The following ME1 variants were observed in gnomAD, a reference collection of about 807,000 sequenced individuals.
ME1 encodes malic enzyme 1.
A neutral mutation model predicts 66.4 loss-of-function variants in ME1; 74 were observed. The ratio of observed to expected loss-of-function variants is 1.11; its 90% CI spans 0.92 to 1.35. The LOEUF is 1.35. Ranked by LOEUF, ME1 falls within the 40% of genes most tolerant of loss-of-function variation. ME1 has a pLI of 0.00. For missense variants in ME1, 750 were observed against 694.1 expected (o/e 1.08, Z -0.90); for synonymous variants, 251 against 235.6 (o/e 1.07, Z -0.60).
intron 6 of ME1, among the ~76,000 whole-genome samples, chr6:83,261,319 G>A (rs1255037580): frequency 6.6e-6 from 1 of 150,646 alleles, no homozygotes; most frequent in East Asian, 2.0e-4. Flanking sequence ...TTTTCTTGTA[G>A]ATTTAAGTTC....
intron 6 of ME1, among the ~76,000 whole-genome samples, chr6:83,296,403 A>T (rs916175419): frequency 6.6e-6 from 1 of 152,246 alleles, no homozygotes; most frequent in African/African-American, 2.4e-5. Context: ...ACATAAACAG[A>T]ACTAAAGATA....
chr6:83,416,704 C>T (rs1458862898), intron 1 of ME1, among the ~76,000 whole-genome samples: 1 of 151,846 alleles, frequency 6.6e-6, no homozygotes, highest in African/African-American at 2.4e-5. Flanking sequence ...GCCTGGGCAA[C>T]ATAGTGAGAT....
chr6:83,305,568 C>A (rs987889131), intron 6 of ME1, among the ~76,000 whole-genome samples: 11 of 135,948 alleles, frequency 8.1e-5, no homozygotes, highest in East Asian at 4.5e-4. Context: ...AAGGAACATG[C>A]CTTGAGAGTT....
At chr6:83,319,092 G>A (rs1161777563) in intron 5 of ME1, among the ~76,000 whole-genome samples, 1 of 150,156 alleles carries the variant, frequency 6.7e-6, no homozygotes, top group African/African-American at 2.5e-5. Flanking sequence ...TCATAGGTGG[G>A]AACTGAACAA....
intron 13 of ME1, among the ~76,000 whole-genome samples, chr6:83,213,206 C>T (rs552767040): frequency 6.6e-6 from 1 of 151,652 alleles, no homozygotes; most frequent in East Asian, 2.0e-4. Flanking sequence ...AGGTGGATCA[C>T]CTGAGGTCAG....
chr6:83,394,550 A>G (rs1388374358), intron 3 of ME1, among the ~76,000 whole-genome samples: 1 of 152,188 alleles, frequency 6.6e-6, no homozygotes, highest in African/African-American at 2.4e-5. Flanking sequence ...TACAAAGGGT[A>G]ATGCAGCGCA....
intron 12 of ME1, among the ~76,000 whole-genome samples, chr6:83,223,179 A>G (rs1790124967): frequency 6.6e-6 from 1 of 152,192 alleles, no homozygotes; most frequent in South Asian, 2.1e-4. Context: ...TTTAGGTAAC[A>G]ATCTAGCTCT....
At chr6:83,239,178 C>T (rs1344081173) in intron 8 of ME1, among the ~76,000 whole-genome samples, 1 of 151,944 alleles carries the variant, frequency 6.6e-6, no homozygotes, top group Non-Finnish European at 1.5e-5. Context: ...GTTTTTGTAA[C>T]ACTGGAGTAT....
intron 6 of ME1, among the ~76,000 whole-genome samples, chr6:83,283,583 TA>T (rs1399547996): frequency 2.0e-5 from 3 of 151,382 alleles, no homozygotes; most frequent in Non-Finnish European, 4.4e-5. Context: ...GAACTTAAAA[TA>T]AAAAACAAAA....
chr6:83,261,220 A>G (rs1766881245), intron 6 of ME1, among the ~76,000 whole-genome samples: 1 of 152,012 alleles, frequency 6.6e-6, no homozygotes, highest in African/African-American at 2.4e-5. Context: ...AGTGATATTG[A>G]GCTTTTTTTC....
intron 1 of ME1, 116 bp downstream of exon 1, chr6:83,430,761 G>A (rs1405131864): frequency 1.1e-6 from 1 of 908,698 alleles, no homozygotes; most frequent in Non-Finnish European, 1.7e-6. Context: ...GCCGCTCACC[G>A]GGAACCTTCC....
At chr6:83,386,872 C>G (rs1464375246) in intron 3 of ME1, among the ~76,000 whole-genome samples, 4 of 151,954 alleles carry the variant, frequency 2.6e-5, no homozygotes, top group Non-Finnish European at 5.9e-5. Context: ...CAGTCTACAA[C>G]CCAGAAGAGG....
At chr6:83,245,852 AT>A (rs577260867) in intron 7 of ME1, among the ~76,000 whole-genome samples, 2 of 151,912 alleles carry the variant, frequency 1.3e-5, no homozygotes, top group African/African-American at 2.4e-5. Flanking sequence ...GATAGTCTAA[AT>A]TTTTTTTGCA....
chr6:83,346,428 A>ATTAC, intron 4 of ME1, 94 bp from the exon 5 acceptor site: 2 of 713,012 alleles, frequency 2.8e-6, no homozygotes, highest in Non-Finnish European at 4.2e-6. Context: ...CTAGTGAAAT[A>ATTAC]GTAAGCTGTT....
rs138130320 is a variant in ME1, at chr6:83,302,085, A to G, written c.704+13225T>C. Among the ~76,000 whole-genome samples the G allele has an allele frequency of 5.3e-3, 803 of 152,356 alleles. 2 individuals carry two copies. The highest frequency in any genetic ancestry group is 9.5e-3 in the Admixed American group (146 of 15,304). On this transcript the variant is annotated intron_variant, in intron 6 of 13. Coordinates refer to ENST00000369705, the MANE Select transcript of ME1 (RefSeq NM_002395.6). Reference sequence around the variant, plus strand: ...ATCAATAGAAGACTGGATAAAGAAAATGTGGTACATAAGCACCATGAAATA... The same window carrying G: ...ATCAATAGAAGACTGGATAAAGAAAGTGTGGTACATAAGCACCATGAAATA...
chr6:83,279,906 C>T (rs1316754944), intron 6 of ME1, among the ~76,000 whole-genome samples: 1 of 152,058 alleles, frequency 6.6e-6, no homozygotes, highest in East Asian at 1.9e-4. Context: ...CACAGGAAGA[C>T]GAATAAGGAT....
chr6:83,422,454 T>C (rs953221183), intron 1 of ME1, among the ~76,000 whole-genome samples: 3 of 152,036 alleles, frequency 2.0e-5, no homozygotes, highest in Non-Finnish European at 4.4e-5. Context: ...AAAAAATCAC[T>C]CAACATAGAA....
intron 3 of ME1, among the ~76,000 whole-genome samples, chr6:83,383,489 T>C (rs1233513956): frequency 6.6e-6 from 1 of 151,872 alleles, no homozygotes; most frequent in South Asian, 2.1e-4. Flanking sequence ...AATAGACTGT[T>C]GTTCTGATAA....
intron 9 of ME1, among the ~76,000 whole-genome samples, chr6:83,230,267 C>T (rs901916647): frequency 3.9e-5 from 6 of 151,974 alleles, no homozygotes; most frequent in Admixed American, 3.9e-4. Context: ...ACCTCCGCCT[C>T]CCGGGTTAAA....
Sources: allele counts gnomAD v4.1 joint callset (sites outside exome capture counted in the v4.1 genomes callset), GRCh38; gene constraint gnomAD v4.1.1; transcripts MANE v1.5; gene names NCBI Gene and HGNC (gene_info 2026-07-23, HGNC 2026-07-21).